Variants in GRM7 observed in about 807,000 individuals in gnomAD.
GRM7 encodes metabotropic glutamate receptor 7.
In GRM7, 35 loss-of-function variants were observed where a neutral mutation model predicts 84.5. The observed-to-expected ratio is 0.41, with a 90% CI of 0.32 to 0.55. GRM7 has a LOEUF of 0.55. Among genes scored for constraint, GRM7 ranks in the 20% least tolerant of loss-of-function variants. The probability of loss-of-function intolerance (pLI) is 0.19; values close to 1 mark genes in which losing one functional copy is unlikely to be tolerated. For missense variants in GRM7, 1,003 were observed against 1,194.6 expected (o/e 0.84, Z 2.36); for synonymous variants, 487 against 455.1 (o/e 1.07, Z -0.89).
chr3:6,957,602 A>G (rs1304762717), intron 1 of GRM7, among the ~76,000 whole-genome samples: 4 of 152,168 alleles, frequency 2.6e-5, no homozygotes, highest in African/African-American at 9.7e-5. Flanking sequence ...ATTGCTGCAG[A>G]CCAATTTCAT....
intron 9 of GRM7, among the ~76,000 whole-genome samples, chr3:7,724,104 C>A (rs542461188): frequency 3.8e-4 from 58 of 152,214 alleles, no homozygotes; most frequent in Admixed American, 3.3e-3. Context: ...TATGTCTGGG[C>A]ACAGGCTGTG....
chr3:7,420,358 A>G (rs985106308), intron 5 of GRM7, among the ~76,000 whole-genome samples: 1 of 152,206 alleles, frequency 6.6e-6, no homozygotes, highest in Non-Finnish European at 1.5e-5. Flanking sequence ...TTATTGCAGC[A>G]CCTAATTTAC....
intron 2 of GRM7, among the ~76,000 whole-genome samples, chr3:7,271,133 TAAGCTAA>T (rs1199294601): frequency 2.2e-4 from 33 of 152,220 alleles, no homozygotes; most frequent in Non-Finnish European, 7.3e-5. Flanking sequence ...AGTCTATTTT[TAAGCTAA>T]GAATAAAGGC....
chr3:7,415,196 C>T, intron 5 of GRM7, 33 bp downstream of exon 5: 1 of 1,584,342 alleles, frequency 6.3e-7, no homozygotes. Flanking sequence ...TCTCCTATTA[C>T]TCTACGTGGC....
intron 1 of GRM7, among the ~76,000 whole-genome samples, chr3:7,143,616 C>G (rs1052477096): frequency 3.9e-5 from 6 of 152,188 alleles, no homozygotes; most frequent in African/African-American, 1.2e-4. Context: ...ATTTTCATTA[C>G]TAAAATATGG....
chr3:7,524,353 G>T (rs537858040), intron 7 of GRM7, among the ~76,000 whole-genome samples: 13 of 142,508 alleles, frequency 9.1e-5, no homozygotes, highest in Non-Finnish European at 1.7e-4. Flanking sequence ...GAAAATTTTC[G>T]CAACCTACTC....
intron 2 of GRM7, among the ~76,000 whole-genome samples, chr3:7,277,314 A>C (rs2124989237): frequency 6.6e-6 from 1 of 152,112 alleles, no homozygotes; most frequent in South Asian, 2.1e-4. Flanking sequence ...TTTTTTTTTA[A>C]CCAAGTAAGA....
intron 9 of GRM7, among the ~76,000 whole-genome samples, chr3:7,715,252 G>C (rs1245400443): frequency 6.6e-6 from 1 of 152,086 alleles, no homozygotes; most frequent in East Asian, 1.9e-4. Flanking sequence ...TTGAGGCCAA[G>C]AGTTCAAAAC....
chr3:6,901,215 TACA>T (rs1185386179), intron 1 of GRM7, among the ~76,000 whole-genome samples: 2 of 152,190 alleles, frequency 1.3e-5, no homozygotes, highest in Non-Finnish European at 2.9e-5. Flanking sequence ...ATACATATTA[TACA>T]ACAAGATCCA....
At chr3:7,271,422 G>A (rs1698851035) in intron 2 of GRM7, among the ~76,000 whole-genome samples, 1 of 151,894 alleles carries the variant, frequency 6.6e-6, no homozygotes, top group Non-Finnish European at 1.5e-5. Context: ...AGCCGGGCGT[G>A]GTGGCGGGCG....
At chr3:7,631,832 G>A (rs767288344) in intron 8 of GRM7, among the ~76,000 whole-genome samples, 8 of 152,108 alleles carry the variant, frequency 5.3e-5, no homozygotes, top group Non-Finnish European at 8.8e-5. Flanking sequence ...GACCTAGGCC[G>A]TAATACAGAG....
At chr3:6,919,404 C>T (rs1485403519) in intron 1 of GRM7, among the ~76,000 whole-genome samples, 1 of 147,958 alleles carries the variant, frequency 6.8e-6, no homozygotes, top group African/African-American at 2.5e-5. Flanking sequence ...ATGGGGTTTC[C>T]ACCATGTTGG....
intron 7 of GRM7, among the ~76,000 whole-genome samples, chr3:7,502,627 A>G (rs1249512576): frequency 6.6e-6 from 1 of 152,118 alleles, no homozygotes; most frequent in Admixed American, 6.6e-5. Flanking sequence ...TGATTGCCCT[A>G]CTTAATAGAT....
At chr3:7,097,001 C>T (rs895525423) in intron 1 of GRM7, among the ~76,000 whole-genome samples, 1 of 152,118 alleles carries the variant, frequency 6.6e-6, no homozygotes, top group African/African-American at 2.4e-5. Flanking sequence ...TGAATTGTAG[C>T]TGATTAATAA....
intron 4 of GRM7, among the ~76,000 whole-genome samples, chr3:7,396,140 C>G (rs1695203816): frequency 6.6e-6 from 1 of 151,926 alleles, no homozygotes; most frequent in South Asian, 2.1e-4. Context: ...AAAATTATAT[C>G]AAAATCATCA....
chr3:6,999,278 C>T (rs907749827), intron 1 of GRM7, among the ~76,000 whole-genome samples: 4 of 152,150 alleles, frequency 2.6e-5, no homozygotes, highest in Admixed American at 1.3e-4. Flanking sequence ...TGTGAGAACA[C>T]CTCAGCATGG....
Position 7,423,571 on chromosome 3 carries a change from TATC to T in GRM7, c.1174+8413_1174+8415del, listed in dbSNP as rs527852290. Among the ~76,000 whole-genome samples the T allele has an allele frequency of 2.1e-3, 318 of 152,264 alleles. 2 individuals are homozygous for T. The highest frequency in any genetic ancestry group is 3.8e-3 in the Non-Finnish European group (259 of 68,022). ...AAGGGTTGTGGAATGACTTATCAAG[TATC>T]ATCAAGCAAGTTACAGTAGAATATA... On this transcript the variant is annotated intron_variant, in intron 5 of 9. Coordinates refer to ENST00000357716, the MANE Select transcript of GRM7 (RefSeq NM_000844.4).
intron 4 of GRM7, among the ~76,000 whole-genome samples, chr3:7,320,681 A>AGGGTGTGTGTGTGT: frequency 7.1e-6 from 1 of 141,156 alleles, no homozygotes; most frequent in African/African-American, 2.6e-5. Context: ...GTGGGTGATC[A>AGGGTGTGTGTGTGT]GTGTGTGTGT....
chr3:7,010,207 T>G (rs532230186), intron 1 of GRM7, among the ~76,000 whole-genome samples: 1 of 152,226 alleles, frequency 6.6e-6, no homozygotes, highest in Middle Eastern at 3.4e-3. Flanking sequence ...TCCTAGCAGT[T>G]TGGGAGGCCA....
Sources: gnomAD v4.1 joint callset for allele counts (sites outside exome capture counted in the v4.1 genomes callset) on GRCh38, gnomAD v4.1.1 for gene constraint, MANE v1.5 for transcripts, NCBI Gene and HGNC (gene_info 2026-07-23, HGNC 2026-07-21) for gene names.